The following PPM1B variants were observed in gnomAD, a reference collection of about 807,000 sequenced individuals.
PPM1B encodes the protein protein phosphatase 1B.
In PPM1B, 22 loss-of-function variants were observed where a neutral mutation model predicts 43.0. That is an observed-to-expected ratio of 0.51 (90% CI 0.37 to 0.73). The LOEUF is 0.73. PPM1B is among the 30% of genes least tolerant of loss of function. The pLI, the probability that PPM1B is intolerant of heterozygous loss-of-function variation, is 0.00. For synonymous variants in PPM1B, 217 were observed against 197.9 expected (o/e 1.10, Z -0.81); for missense variants, 632 against 584.2 (o/e 1.08, Z -0.84).
intron 2 of PPM1B, among the ~76,000 whole-genome samples, chr2:44,207,980 C>T (rs1300065584): frequency 6.6e-6 from 1 of 151,580 alleles, no homozygotes; most frequent in East Asian, 1.9e-4. Context: ...CCTCCACCTC[C>T]CGGGTTCAAG....
intron 1 of PPM1B, among the ~76,000 whole-genome samples, chr2:44,169,958 C>G (rs996231880): frequency 1.3e-5 from 2 of 152,178 alleles, no homozygotes; most frequent in South Asian, 2.1e-4. Context: ...TATAGACTGA[C>G]TAGCCATATG....
chr2:44,241,718 C>G (rs1029991423), intron 5 of PPM1B, among the ~76,000 whole-genome samples: 2 of 151,862 alleles, frequency 1.3e-5, no homozygotes, highest in East Asian at 3.9e-4. Context: ...GATGACAGAG[C>G]AAGACCCTGT....
intron 2 of PPM1B, among the ~76,000 whole-genome samples, chr2:44,208,580 G>A (rs571645012): frequency 2.0e-4 from 30 of 152,248 alleles, no homozygotes; most frequent in Middle Eastern, 3.4e-3. Flanking sequence ...GGGCCTGGTG[G>A]CCGTCACCTG....
downstream of PPM1B, chr2:44,233,271 A>G (rs1670520638): frequency 1.1e-6 from 1 of 899,150 alleles, no homozygotes; most frequent in Non-Finnish European, 1.3e-6. Flanking sequence ...CTATAAATAC[A>G]TTTAAAATTA....
At chr2:44,190,400 C>G (rs188027113) in intron 1 of PPM1B, among the ~76,000 whole-genome samples, 24 of 152,276 alleles carry the variant, frequency 1.6e-4, no homozygotes, top group African/African-American at 5.8e-4. Context: ...GTCACGTGAT[C>G]TGCCCGTCTC....
In PPM1B at chr2:44,185,920, G is replaced by T. The variant is rs528912340; in HGVS notation, c.-14-15266G>T. Among the ~76,000 whole-genome samples the T allele has an allele frequency of 2.6e-5, 4 of 152,288 alleles. No individual in the cohort carries two copies. In the East Asian group the frequency reaches 5.8e-4, roughly 22 times the overall value. ...ACTGATACTACAGTTCATCAGAATT[G>T]ATTTGGAAGAGGGGAGGACTTAAAT... On this transcript the variant is annotated intron_variant, in intron 1 of 5. Transcript: ENST00000282412.
At chr2:44,173,788 A>G (rs945436467) in intron 1 of PPM1B, among the ~76,000 whole-genome samples, 39 of 152,148 alleles carry the variant, frequency 2.6e-4, no homozygotes, top group Admixed American at 4.6e-4. Context: ...ACCAAAAAAT[A>G]CAAAAATTAG....
At chr2:44,192,348 G>A (rs1668448104) in intron 1 of PPM1B, among the ~76,000 whole-genome samples, 1 of 151,932 alleles carries the variant, frequency 6.6e-6, no homozygotes, top group South Asian at 2.1e-4. Flanking sequence ...CTCCCGAGTA[G>A]CTGGGATTAC....
chr2:44,186,746 C>A (rs946346424), intron 1 of PPM1B, among the ~76,000 whole-genome samples: 2 of 152,214 alleles, frequency 1.3e-5, no homozygotes, highest in Non-Finnish European at 2.9e-5. Flanking sequence ...TGATTTTCTG[C>A]TATGGAATGT....
At chr2:44,196,844 C>T (rs190824518) in intron 1 of PPM1B, among the ~76,000 whole-genome samples, 5 of 152,176 alleles carry the variant, frequency 3.3e-5, no homozygotes, top group African/African-American at 1.2e-4. Context: ...ATCACTGGAT[C>T]GGAATTTCCA....
intron 2 of PPM1B, among the ~76,000 whole-genome samples, chr2:44,204,973 T>G (rs1265242154): frequency 6.6e-6 from 1 of 152,080 alleles, no homozygotes; most frequent in Non-Finnish European, 1.5e-5. Flanking sequence ...AATTAGGTAT[T>G]TAACTCGAGG....
chr2:44,191,887 G>T (rs116536804), intron 1 of PPM1B, among the ~76,000 whole-genome samples: 177 of 152,024 alleles, frequency 1.2e-3, no homozygotes, highest in Non-Finnish European at 2.0e-3. Flanking sequence ...TGAAATTTCA[G>T]TTGCTTTTTG....
In PPM1B at chr2:44,231,108, A is replaced by G. The variant is rs1393610855; in HGVS notation, c.*390A>G. ...TATTATTTTACCTATTAGTACACTCATAGTTAGCTTTGTAATAAATTTATG... is the reference window on the plus strand; with the variant it reads ...TATTATTTTACCTATTAGTACACTCGTAGTTAGCTTTGTAATAAATTTATG... On this transcript the variant is annotated 3_prime_UTR_variant, in exon 6 of 6. Transcript: ENST00000282412. 1.1e-6 allele frequency: 1 copy of G among 917,162 alleles called. No individual in the cohort carries two copies. The allele number at this position is 917,162 out of a possible 1,614,324, so 56.8% of individuals were successfully genotyped here.
At chr2:44,228,146 A>ATTCCTG (rs1452029570) in intron 5 of PPM1B, among the ~76,000 whole-genome samples, 1 of 145,252 alleles carries the variant, frequency 6.9e-6, no homozygotes. Flanking sequence ...CTGGTCTTGA[A>ATTCCTG]TTCCTGACCT....
At chr2:44,238,193 G>A (rs1441061851), downstream of PPM1B, among the ~76,000 whole-genome samples, 1 of 151,816 alleles carries the variant, frequency 6.6e-6, no homozygotes, top group Admixed American at 6.6e-5. Context: ...GTGACCCACC[G>A]CACCCAGCCT....
At position 44,230,226 on chromosome 2, in the gene PPM1B, CTT is replaced by C. The variant is rs1021535708; in HGVS notation, c.1135-186_1135-185del. ...GTTAATGGTAATTTGCTTAAAATGACTTGAGATTATTATTGGAAGTTTTTATT... is the reference window on the plus strand; with the variant it reads ...GTTAATGGTAATTTGCTTAAAATGACGAGATTATTATTGGAAGTTTTTATT... On this transcript the variant is annotated intron_variant, in intron 5 of 5. Coordinates refer to ENST00000282412, the MANE Select transcript of PPM1B (RefSeq NM_002706.6). 7.1e-6 allele frequency: 10 copies of C among 1,413,378 alleles called. No individual in the cohort carries two copies. The African/African-American group carries it at 1.0e-4, about 14-fold the overall frequency. 87.6% of individuals were successfully genotyped at this position (1,413,378 alleles called of 1,614,324 possible).
intron 1 of PPM1B, among the ~76,000 whole-genome samples, chr2:44,185,982 G>C (rs1218711741): frequency 6.6e-6 from 1 of 152,162 alleles, no homozygotes; most frequent in Non-Finnish European, 1.5e-5. Context: ...TGGAAGAAAG[G>C]ATGTGAGCTA....
intron 1 of PPM1B, among the ~76,000 whole-genome samples, chr2:44,188,857 C>G (rs1224820552): frequency 1.4e-5 from 2 of 139,784 alleles, no homozygotes; most frequent in African/African-American, 5.1e-5. Context: ...CTTTCTTTTA[C>G]TGGGATCACA....
At chr2:44,176,670 C>T (rs2104001323) in intron 1 of PPM1B, among the ~76,000 whole-genome samples, 1 of 152,316 alleles carries the variant, frequency 6.6e-6, no homozygotes, top group South Asian at 2.1e-4. Context: ...TTTATACAAA[C>T]ATTGCAAACT....
Sources: gnomAD v4.1 joint callset for allele counts (sites outside exome capture counted in the v4.1 genomes callset) on GRCh38, gnomAD v4.1.1 for gene constraint, MANE v1.5 for transcripts, NCBI Gene and HGNC (gene_info 2026-07-23, HGNC 2026-07-21) for gene names.